Variants in NWD2 observed in about 807,000 individuals in gnomAD.
NWD2 encodes the protein NACHT and WD repeat domain-containing protein 2.
NWD2 carries 37 observed loss-of-function variants against 132.7 expected under a neutral mutation model. That is an observed-to-expected ratio of 0.28 (90% confidence interval 0.21 to 0.37). The LOEUF (loss-of-function observed/expected upper bound fraction) is 0.37. NWD2 is among the 10% of genes least tolerant of loss of function. The pLI, the probability that NWD2 is intolerant of heterozygous loss-of-function variation, is 1.00. For missense variants in NWD2, 1,592 were observed against 2,122.4 expected (o/e 0.75, Z 4.91); for synonymous variants, 705 against 803.0 (o/e 0.88, Z 2.06).
chr4:37,441,685 T>G (rs568552855), intron 6 of NWD2, among the ~76,000 whole-genome samples: 1 of 152,324 alleles, frequency 6.6e-6, no homozygotes, highest in South Asian at 2.1e-4. Context: ...CTATTGACTA[T>G]CCAGGAGTCG....
intron 1 of NWD2, among the ~76,000 whole-genome samples, chr4:37,302,652 A>C (rs1371726664): frequency 6.6e-6 from 1 of 151,960 alleles, no homozygotes; most frequent in Non-Finnish European, 1.5e-5. Context: ...GATAATAGCC[A>C]TTTTAACTGG....
chr4:37,353,947 C>G (rs1577677403), intron 2 of NWD2, among the ~76,000 whole-genome samples: 1 of 152,126 alleles, frequency 6.6e-6, no homozygotes, highest in African/African-American at 2.4e-5. Context: ...GAATTTTCAG[C>G]CTTTTTGCGC....
chr4:37,316,652 G>T (rs1357457438), intron 1 of NWD2, among the ~76,000 whole-genome samples: 1 of 151,886 alleles, frequency 6.6e-6, no homozygotes, highest in Non-Finnish European at 1.5e-5. Flanking sequence ...TTGGGGCTTG[G>T]TTCATTTTCC....
chr4:37,395,719 G>A (rs1459786697), intron 3 of NWD2, among the ~76,000 whole-genome samples: 2 of 151,158 alleles, frequency 1.3e-5, no homozygotes, highest in African/African-American at 2.4e-5. Flanking sequence ...CCAGCCTTCT[G>A]GACCTCAAAG....
intron 3 of NWD2, among the ~76,000 whole-genome samples, chr4:37,421,888 G>T (rs1208830422): frequency 6.6e-6 from 1 of 152,106 alleles, no homozygotes; most frequent in African/African-American, 2.4e-5. Context: ...TAAGATTAGG[G>T]TGCCAGCATG....
intron 3 of NWD2, among the ~76,000 whole-genome samples, chr4:37,411,063 C>G (rs1169625188): frequency 6.6e-6 from 1 of 151,888 alleles, no homozygotes; most frequent in Non-Finnish European, 1.5e-5. Context: ...AAACTGACAC[C>G]CTAACATCAA....
intron 3 of NWD2, among the ~76,000 whole-genome samples, chr4:37,415,712 A>AAAAAG (rs1711577493): frequency 6.6e-6 from 1 of 151,616 alleles, no homozygotes; most frequent in East Asian, 1.9e-4. Context: ...TAAAAAAAAA[A>AAAAAG]AAAAAAAATA....
chr4:37,438,787 A>T lies in NWD2; in HGVS notation c.707-14A>T, dbSNP rs779117767. On this transcript the variant is annotated splice_polypyrimidine_tract_variant and intron_variant, in intron 5 of 6. Coordinates refer to ENST00000309447, the MANE Select transcript of NWD2 (RefSeq NM_001144990.2). Reference sequence around the variant, plus strand: ...TGTTCTAAGCAATAAACTCCTTCTTATATTTTCTTTCAGCTATAGAGGATG... The same window carrying T: ...TGTTCTAAGCAATAAACTCCTTCTTTTATTTTCTTTCAGCTATAGAGGATG... 1.2e-5 allele frequency: 18 copies of T among 1,518,528 alleles called. No homozygotes were observed. Among genetic ancestry groups the T allele is most frequent in the Non-Finnish European group, 1.6e-5 (18 of 1,128,014 alleles). 94.1% of individuals were successfully genotyped at this position (1,518,528 alleles called of 1,614,324 possible). A position where few individuals can be genotyped will look rare whatever the true frequency, so the allele number is the denominator to read the frequency against.
At chr4:37,431,415 A>G (rs1205377890) in intron 4 of NWD2, among the ~76,000 whole-genome samples, 7 of 152,220 alleles carry the variant, frequency 4.6e-5, no homozygotes, top group African/African-American at 1.7e-4. Flanking sequence ...GAATTAAGCC[A>G]GGCCCAGAAA....
intron 2 of NWD2, among the ~76,000 whole-genome samples, chr4:37,329,333 T>C (rs144823717): frequency 4.6e-5 from 7 of 152,306 alleles, no homozygotes; most frequent in Admixed American, 1.3e-4. Context: ...ATTCCAGGGA[T>C]AATAAATGCA....
At position 37,449,415 on chromosome 4, in the gene NWD2, TAC is replaced by T. The variant is rs1434639554; in HGVS notation, c.*2200_*2201del. The T allele has an allele frequency of 1.3e-5, 2 of 152,236 alleles. No individual in the cohort carries two copies. Among genetic ancestry groups the T allele is most frequent in the Middle Eastern group, 3.2e-3 (1 of 316 alleles). 9.4% of individuals were successfully genotyped at this position (152,236 alleles called of 1,614,324 possible). ...AAATTATTTCAGTCTTCAAACAATA[TAC>T]AGTCTTGTGTATGTATTATTTGTAT... On this transcript the variant is annotated 3_prime_UTR_variant, in exon 7 of 7. Transcript: ENST00000309447.
chr4:37,285,463 T>C lies in NWD2; in HGVS notation c.151+40245T>C, dbSNP rs141120328. On this transcript the variant is annotated intron_variant, in intron 1 of 6. Transcript: ENST00000309447. ...AATACACAATATAATAATATATTTA[T>C]AGTAATATAGAAAAAGACAATAGGG... Among the ~76,000 whole-genome samples the C allele has an allele frequency of 1.2e-4, 18 of 152,116 alleles. No individual in the cohort carries two copies. The East Asian group carries it at 2.9e-3, about 24-fold the overall frequency.
intron 1 of NWD2, among the ~76,000 whole-genome samples, chr4:37,281,286 C>T (rs1403083078): frequency 6.6e-6 from 1 of 152,170 alleles, no homozygotes; most frequent in East Asian, 1.9e-4. Flanking sequence ...TTGTGGTCCC[C>T]TCTCTTTTGA....
intron 2 of NWD2, among the ~76,000 whole-genome samples, chr4:37,336,928 G>A (rs1294644325): frequency 1.7e-5 from 2 of 115,258 alleles, no homozygotes; most frequent in Admixed American, 2.3e-4. Context: ...CTGGGCAAAA[G>A]AGTGAAACTC....
chr4:37,329,755 A>T lies in NWD2; in HGVS notation c.240+3731A>T, dbSNP rs1049276388. On this transcript the variant is annotated intron_variant, in intron 2 of 6. Transcript: ENST00000309447. ...TTATTGAGTTGGAAGGGAAAGAGTG[A>T]GGTGATATGACTTACCATTAAGAGG... Among the ~76,000 whole-genome samples, 24 of 151,686 alleles carry T rather than the reference A, an allele frequency of 1.6e-4. 1 individual carries two copies. The highest frequency in any genetic ancestry group is 4.8e-5 in the African/African-American group (2 of 41,300).
At chr4:37,288,303 A>G (rs1204166661) in intron 1 of NWD2, among the ~76,000 whole-genome samples, 1 of 152,234 alleles carries the variant, frequency 6.6e-6, no homozygotes, top group Non-Finnish European at 1.5e-5. Flanking sequence ...TACAAAGAAG[A>G]TAGAGTATTT....
chr4:37,253,627 G>C (rs142661074), intron 1 of NWD2, among the ~76,000 whole-genome samples: 2 of 152,160 alleles, frequency 1.3e-5, no homozygotes, highest in East Asian at 3.9e-4. Flanking sequence ...AGCTACTAAA[G>C]ATAATAGCAG....
chr4:37,291,176 A>G (rs977119702), intron 1 of NWD2, among the ~76,000 whole-genome samples: 7 of 152,208 alleles, frequency 4.6e-5, no homozygotes, highest in Non-Finnish European at 7.3e-5. Flanking sequence ...AAATAAATGT[A>G]GCCAACTTCT....
intron 3 of NWD2, among the ~76,000 whole-genome samples, chr4:37,362,391 G>T (rs1719997916): frequency 6.6e-6 from 1 of 152,108 alleles, no homozygotes. Context: ...AAAGCTGGAG[G>T]CATCACCACA....
Sources: gnomAD v4.1 joint callset for allele counts (sites outside exome capture counted in the v4.1 genomes callset) on GRCh38, gnomAD v4.1.1 for gene constraint, MANE v1.5 for transcripts, NCBI Gene and HGNC (gene_info 2026-07-23, HGNC 2026-07-21) for gene names.